Variants in SAMD5 observed in about 807,000 individuals in gnomAD.
SAMD5 encodes sterile alpha motif domain containing 5.
A neutral mutation model predicts 11.3 loss-of-function variants in SAMD5; 13 were observed. That is an observed-to-expected ratio of 1.15 (90% CI 0.75 to 1.83). The LOEUF is 1.83. Among genes scored for constraint, SAMD5 ranks in the 40% most tolerant of loss-of-function variants. The pLI is 0.00. For missense variants in SAMD5, 255 were observed against 239.1 expected, an observed-to-expected ratio of 1.07 and a Z score of -0.44; for synonymous variants, 129 against 111.3, an observed-to-expected ratio of 1.16 and a Z score of -1.00.
rs702348 is a variant in SAMD5 at position 147,566,754 on chromosome 6, G to A, written c.*2298G>A. Reference sequence around the variant, plus strand: ...AAAGACATCTTAGTTAAAGCTAGAGGAAGAAAACTTCAAATAAGCAAAGAA... The same window carrying A: ...AAAGACATCTTAGTTAAAGCTAGAGAAAGAAAACTTCAAATAAGCAAAGAA... On this transcript the variant is annotated 3_prime_UTR_variant, in exon 2 of 2. Transcript: ENST00000367474. 0.045 allele frequency: 44,310 copies of A among 984,866 alleles called. 2,079 individuals are homozygous for A. The highest frequency in any genetic ancestry group is 0.23 in the African/African-American group (12,976 of 57,220). The allele number at this position is 984,866 out of a possible 1,614,324, so 61.0% of individuals were successfully genotyped here.
At chr6:147,947,142 A>C in the SAMD5 span, among the ~76,000 whole-genome samples, 2 of 152,180 alleles carry the variant, frequency 1.3e-5, no homozygotes, top group Non-Finnish European at 2.9e-5. Context: ...CATAGAATAA[A>C]AAACAAGAGT....
intron 1 of SAMD5, among the ~76,000 whole-genome samples, chr6:147,540,942 T>A (rs1052761306): frequency 4.0e-5 from 5 of 123,848 alleles, no homozygotes; most frequent in South Asian, 5.4e-4. Context: ...CGTTTTTTTT[T>A]TTTTTTTTTT....
chr6:147,840,635 G>A, the SAMD5 span, among the ~76,000 whole-genome samples: 1 of 152,206 alleles, frequency 6.6e-6, no homozygotes, highest in African/African-American at 2.4e-5. Context: ...GGAGTGGAAA[G>A]CAAGAATTCA....
chr6:147,941,492 T>C, the SAMD5 span, among the ~76,000 whole-genome samples: 1 of 152,238 alleles, frequency 6.6e-6, no homozygotes, highest in South Asian at 2.1e-4. Context: ...GGCTTTCAAC[T>C]GCTTACATTT....
chr6:147,913,799 CATT>C, the SAMD5 span, among the ~76,000 whole-genome samples: 2 of 152,214 alleles, frequency 1.3e-5, no homozygotes, highest in Non-Finnish European at 2.9e-5. Context: ...TCTTTAAAAA[CATT>C]ATGCACATAC....
intron 1 of SAMD5, among the ~76,000 whole-genome samples, chr6:147,645,959 G>C (rs981657472): frequency 4.6e-5 from 7 of 152,088 alleles, no homozygotes; most frequent in African/African-American, 1.7e-4. Context: ...TATATGTCAA[G>C]TTCTGTGTCA....
chr6:147,868,722 G>A, the SAMD5 span, among the ~76,000 whole-genome samples: 328 of 152,296 alleles, frequency 2.2e-3, 1 homozygote, highest in African/African-American at 7.5e-3. Context: ...GTTTTAAAAA[G>A]CATTTAACTT....
At chr6:147,874,511 G>A in the SAMD5 span, among the ~76,000 whole-genome samples, 1 of 151,882 alleles carries the variant, frequency 6.6e-6, no homozygotes, top group Non-Finnish European at 1.5e-5. Flanking sequence ...TGTTTGCTCA[G>A]GACAGCCGGC....
chr6:147,780,134 T>C, the SAMD5 span, among the ~76,000 whole-genome samples: 1 of 152,318 alleles, frequency 6.6e-6, no homozygotes, highest in Non-Finnish European at 1.5e-5. Context: ...CATTCAATTT[T>C]ATTTTTCTTA....
At position 147,715,093 on chromosome 6, in the gene SAMD5, G is replaced by A. The variant is rs757658525; in HGVS notation, c.163-22224G>A. ...ACACTCTTTCCTGCAGTGGTGTCAC[G>A]GGATCTTTAGGGTGTTTCTTTTCTA... On this transcript the variant is annotated intron_variant, in intron 1 of 1. Coordinates refer to the SAMD5 transcript ENST00000566741. Among the ~76,000 whole-genome samples, 11 of 152,178 alleles carry A rather than the reference G, an allele frequency of 7.2e-5. No homozygotes were observed. In the South Asian group the frequency reaches 1.2e-3, roughly 17 times the overall value.
intron 1 of SAMD5, among the ~76,000 whole-genome samples, chr6:147,510,828 C>T (rs1788077156): frequency 6.6e-6 from 1 of 152,176 alleles, no homozygotes; most frequent in African/African-American, 2.4e-5. Flanking sequence ...TCCAGTTACC[C>T]ACTCTGTGCC....
chr6:147,830,431 A>G, the SAMD5 span, among the ~76,000 whole-genome samples: 9 of 151,150 alleles, frequency 6.0e-5, no homozygotes, highest in African/African-American at 9.7e-5. Flanking sequence ...TAATTTTTGT[A>G]TTTTTAGTGG....
At chr6:147,780,666 C>T in the SAMD5 span, among the ~76,000 whole-genome samples, 3 of 152,082 alleles carry the variant, frequency 2.0e-5, no homozygotes, top group South Asian at 2.1e-4. Context: ...GGAAATCTTA[C>T]GTTCAGATAG....
intron 1 of SAMD5, among the ~76,000 whole-genome samples, chr6:147,559,386 T>A (rs1019929580): frequency 6.6e-6 from 1 of 152,190 alleles, no homozygotes; most frequent in African/African-American, 2.4e-5. Flanking sequence ...AACTCTGAAT[T>A]TGTTTCTGAT....
At chr6:147,815,529 T>C in the SAMD5 span, among the ~76,000 whole-genome samples, 1 of 152,190 alleles carries the variant, frequency 6.6e-6, no homozygotes, top group Non-Finnish European at 1.5e-5. Flanking sequence ...AGGGTTCGGC[T>C]ATGGAAGTGA....
chr6:147,774,853 C>G, the SAMD5 span, among the ~76,000 whole-genome samples: 1 of 152,046 alleles, frequency 6.6e-6, no homozygotes, highest in Non-Finnish European at 1.5e-5. Flanking sequence ...TTTAACCAAA[C>G]TACTCCTTCC....
At chr6:147,511,651 A>G (rs1382521511) in intron 1 of SAMD5, among the ~76,000 whole-genome samples, 1 of 151,778 alleles carries the variant, frequency 6.6e-6, no homozygotes, top group African/African-American at 2.4e-5. Context: ...ACTGGCACTG[A>G]CAAACTTTAT....
intron 1 of SAMD5, among the ~76,000 whole-genome samples, chr6:147,666,445 T>C (rs1790722329): frequency 6.6e-6 from 1 of 152,188 alleles, no homozygotes; most frequent in Admixed American, 6.5e-5. Flanking sequence ...TCCAGCCTGT[T>C]TCTGCTTTTG....
the SAMD5 span, among the ~76,000 whole-genome samples, chr6:147,903,105 G>C: frequency 2.6e-5 from 4 of 152,182 alleles, no homozygotes; most frequent in Non-Finnish European, 5.9e-5. Context: ...GCCTTCAAGA[G>C]AGGTAGCAAA....
Sources: allele counts gnomAD v4.1 joint callset (sites outside exome capture counted in the v4.1 genomes callset), GRCh38; gene constraint gnomAD v4.1.1; transcripts MANE v1.5; gene names NCBI Gene and HGNC (gene_info 2026-07-23, HGNC 2026-07-21).